The following ALOX5 variants were observed in gnomAD, a reference collection of about 807,000 sequenced individuals.
ALOX5 encodes the protein polyunsaturated fatty acid 5-lipoxygenase.
Under a neutral mutation model 87.9 loss-of-function variants are expected in ALOX5, and 64 were observed. The ratio of observed to expected loss-of-function variants is 0.73; its 90% confidence interval spans 0.60 to 0.90. ALOX5 has a LOEUF of 0.90. ALOX5 is among the 40% of genes least tolerant of loss of function. The probability of loss-of-function intolerance (pLI) is 0.00; values close to 1 mark genes in which losing one functional copy is unlikely to be tolerated. For synonymous variants in ALOX5, 388 were observed against 355.1 expected (o/e 1.09, Z -1.04); for missense variants, 822 against 907.5 (o/e 0.91, Z 1.21).
chr10:45,379,234 C>T (rs1182761311), intron 1 of ALOX5, among the ~76,000 whole-genome samples: 1 of 152,126 alleles, frequency 6.6e-6, no homozygotes, highest in African/African-American at 2.4e-5. Flanking sequence ...CTGTTAGCTC[C>T]TCCCACCCCA....
At chr10:45,397,811 C>CT (rs1369773005) in intron 3 of ALOX5, among the ~76,000 whole-genome samples, 4 of 152,152 alleles carry the variant, frequency 2.6e-5, no homozygotes, top group African/African-American at 9.7e-5. Flanking sequence ...TACAATGAAA[C>CT]TACAAAACAT....
At position 45,425,180 on chromosome 10, in the gene ALOX5, G is replaced by A. The variant is rs1485490657; in HGVS notation, c.834+48G>A. 1.9e-6 allele frequency: 3 copies of A among 1,576,206 alleles called. No homozygotes were observed. The highest frequency in any genetic ancestry group is 2.3e-5 in the South Asian group (2 of 87,346). On this transcript the variant is annotated intron_variant, in intron 6 of 13. Transcript: ENST00000374391. This position sits in a 1 kb window ranked among gnomAD's most constrained non-coding sequence, Gnocchi z 4.4. ...AGTGGCCAAGGTCACAGTCTGTCAG[G>A]TGGAAGCCAGTTCCTCCTGGCCAGT...
chr10:45,416,894 T>C (rs370128988), intron 4 of ALOX5, among the ~76,000 whole-genome samples: 1 of 151,422 alleles, frequency 6.6e-6, no homozygotes, highest in African/African-American at 2.4e-5. Flanking sequence ...GGATGGTGAA[T>C]GGATGGTGGA....
Position 45,393,811 on chromosome 10 carries a change from A to G in ALOX5, c.350-2044A>G, listed in dbSNP as rs569307666. Among the ~76,000 whole-genome samples, 23 of 152,308 alleles carry G rather than the reference A, an allele frequency of 1.5e-4. No homozygotes were observed. In the South Asian group the frequency reaches 3.5e-3, roughly 23 times the overall value. ...TCACAAGCATTCTTATACACCAATA[A>G]CAGACAAACAGAGAGCCAAATCAGG... On this transcript the variant is annotated intron_variant, in intron 2 of 13. Transcript: ENST00000374391.
At chr10:45,377,956 C>T (rs1823547598) in intron 1 of ALOX5, among the ~76,000 whole-genome samples, 1 of 152,164 alleles carries the variant, frequency 6.6e-6, no homozygotes, top group Non-Finnish European at 1.5e-5. Flanking sequence ...TGAAATGAGG[C>T]CGGTGAGTTG....
At chr10:45,411,888 A>G (rs1363139533) in intron 3 of ALOX5, among the ~76,000 whole-genome samples, 26 of 152,166 alleles carry the variant, frequency 1.7e-4, no homozygotes, top group Admixed American at 1.7e-3. Context: ...CACCTCTAGT[A>G]AGTGAGGTCT....
chr10:45,395,785 C>A, intron 2 of ALOX5, 70 bp from the exon 3 acceptor site: 1 of 1,430,128 alleles, frequency 7.0e-7, no homozygotes, highest in Non-Finnish European at 9.9e-7. Flanking sequence ...TGAGGGAAGC[C>A]TGAACACTTG....
rs368161745 is a variant in ALOX5 at position 45,440,451 on chromosome 10, G to A, written c.1003G>A (p.Glu335Lys). The A allele has an allele frequency of 6.1e-5, 99 of 1,614,108 alleles. No individual in the cohort carries two copies. The highest frequency in any genetic ancestry group is 8.3e-5 in the Non-Finnish European group (98 of 1,180,052). Residue 335 changes from glutamate to lysine, a missense_variant, in exon 8 of 14, where the codon GAG (glutamate) becomes AAG (lysine). Coordinates refer to ENST00000374391, the MANE Select transcript of ALOX5 (RefSeq NM_000698.5). ...AIQLNQIPGD[E>K]NPIFLPSDAK... Reference sequence around the variant, plus strand: ...TCAGCTCAACCAAATCCCGGGAGATGAGAACCCTATTTTCCTCCCTTCGGA... The same window carrying A: ...TCAGCTCAACCAAATCCCGGGAGATAAGAACCCTATTTTCCTCCCTTCGGA...
intron 7 of ALOX5, among the ~76,000 whole-genome samples, chr10:45,432,577 T>C (rs1419632957): frequency 6.6e-6 from 1 of 152,220 alleles, no homozygotes; most frequent in Admixed American, 6.5e-5. Context: ...TTAATGATGC[T>C]ATCACACTGC....
intron 4 of ALOX5, among the ~76,000 whole-genome samples, chr10:45,414,091 A>G (rs1373987124): frequency 1.3e-5 from 2 of 152,236 alleles, no homozygotes; most frequent in Admixed American, 1.3e-4. Flanking sequence ...AAACTACTTT[A>G]AAGTTCATAT....
At chr10:45,412,776 T>C (rs1415384710) in intron 4 of ALOX5, among the ~76,000 whole-genome samples, 1 of 152,180 alleles carries the variant, frequency 6.6e-6, no homozygotes, top group African/African-American at 2.4e-5. Context: ...CATTTTACAG[T>C]TGAGGAACTG....
chr10:45,436,757 T>G (rs1842072584), intron 7 of ALOX5, among the ~76,000 whole-genome samples: 1 of 152,056 alleles, frequency 6.6e-6, no homozygotes, highest in African/African-American at 2.4e-5. Context: ...TCCATATGAA[T>G]TTTAGGATTT....
At chr10:45,397,547 A>G (rs1350132905) in intron 3 of ALOX5, among the ~76,000 whole-genome samples, 2 of 152,216 alleles carry the variant, frequency 1.3e-5, no homozygotes, top group East Asian at 3.8e-4. Context: ...GGCACCCACA[A>G]TGGAGTACAG....
chr10:45,430,307 A>G (rs1174484659), intron 7 of ALOX5, among the ~76,000 whole-genome samples: 1 of 152,184 alleles, frequency 6.6e-6, no homozygotes, highest in Non-Finnish European at 1.5e-5. Context: ...GAAACTTTGC[A>G]AACTATAAAG....
intron 1 of ALOX5, among the ~76,000 whole-genome samples, chr10:45,381,669 A>G (rs1839834168): frequency 6.6e-6 from 1 of 152,316 alleles, no homozygotes; most frequent in East Asian, 1.9e-4. Flanking sequence ...GAGCCTGGGC[A>G]TCTCCCCATC....
chr10:45,399,474 G>A (rs1464806236), intron 3 of ALOX5, among the ~76,000 whole-genome samples: 2 of 152,170 alleles, frequency 1.3e-5, no homozygotes, highest in African/African-American at 4.8e-5. Flanking sequence ...AACGCTGCTA[G>A]ATAAATTTAA....
intron 3 of ALOX5, among the ~76,000 whole-genome samples, chr10:45,397,168 G>A (rs1840540761): frequency 6.6e-6 from 1 of 152,178 alleles, no homozygotes; most frequent in Non-Finnish European, 1.5e-5. Context: ...GGATCACGAT[G>A]TCAAGAGATT....
rs953019371 is a variant in ALOX5, at chr10:45,425,688, G to A, written c.834+556G>A. ...CCGGCTGCAAGGCTGACCTAGTCTT[G>A]AGACAGAAGAAGTTCAAACCAACTC... On this transcript the variant is annotated intron_variant, in intron 6 of 13. Transcript: ENST00000374391. This position sits in a 1 kb window ranked among gnomAD's most constrained non-coding sequence, Gnocchi z 4.4. Among the ~76,000 whole-genome samples, 7 of 152,204 alleles carry A rather than the reference G, an allele frequency of 4.6e-5. No individual in the cohort carries two copies. The highest frequency in any genetic ancestry group is 1.7e-4 in the African/African-American group (7 of 41,450).
intron 4 of ALOX5, among the ~76,000 whole-genome samples, chr10:45,413,721 A>G (rs1186188367): frequency 1.3e-5 from 2 of 152,252 alleles, no homozygotes; most frequent in African/African-American, 4.8e-5. Flanking sequence ...AATCTCCTTA[A>G]GCTGATAAGG....
Sources: allele counts gnomAD v4.1 joint callset (sites outside exome capture counted in the v4.1 genomes callset), GRCh38; gene constraint gnomAD v4.1.1; non-coding constraint Gnocchi (gnomAD v3.1); transcripts MANE v1.5; gene names NCBI Gene and HGNC (gene_info 2026-07-23, HGNC 2026-07-21).